SHISA9: variants seen among roughly 807,000 people sequenced by gnomAD.
SHISA9 encodes protein shisa-9.
A neutral mutation model predicts 38.0 loss-of-function variants in SHISA9; 13 were observed. The observed-to-expected ratio is 0.34, with a 90% confidence interval of 0.22 to 0.54. The LOEUF is 0.54. SHISA9 is among the 20% of genes least tolerant of loss of function. The pLI is 0.91. For missense variants in SHISA9, 538 were observed against 575.8 expected, an observed-to-expected ratio of 0.93 and a Z score of 0.67; for synonymous variants, 275 against 242.0, an observed-to-expected ratio of 1.14 and a Z score of -1.27.
At chr16:13,272,172 TA>T in the SHISA9 span, among the ~76,000 whole-genome samples, 6 of 152,026 alleles carry the variant, frequency 3.9e-5, no homozygotes, top group Non-Finnish European at 1.5e-5. Context: ...TATGGAAGCA[TA>T]CAATTGAAAT....
At chr16:13,463,717 G>A in the SHISA9 span, among the ~76,000 whole-genome samples, 1 of 152,176 alleles carries the variant, frequency 6.6e-6, no homozygotes, top group African/African-American at 2.4e-5. Context: ...GGTTGTGGCT[G>A]GGACAGGACT....
the SHISA9 span, among the ~76,000 whole-genome samples, chr16:13,376,577 G>C: frequency 6.6e-6 from 1 of 152,176 alleles, no homozygotes; most frequent in African/African-American, 2.4e-5. Context: ...TCAGGACCAT[G>C]GCTATGAGCA....
chr16:13,187,336 T>TCTTTTTTC (rs1194713899), intron 2 of SHISA9, among the ~76,000 whole-genome samples: 24,746 of 115,970 alleles, frequency 0.21, 2,475 homozygotes, highest in East Asian at 0.34. Flanking sequence ...TTCTTTTTTT[T>TCTTTTTTC]TTTTTTTTTT....
intron 2 of SHISA9, among the ~76,000 whole-genome samples, chr16:13,125,949 G>C (rs2050252775): frequency 6.6e-6 from 1 of 152,210 alleles, no homozygotes; most frequent in Admixed American, 6.5e-5. Context: ...ACCAGGGTCA[G>C]AGTACAGAAG....
At chr16:13,316,224 G>A in the SHISA9 span, among the ~76,000 whole-genome samples, 1 of 152,076 alleles carries the variant, frequency 6.6e-6, no homozygotes, top group Non-Finnish European at 1.5e-5. Flanking sequence ...GCTTTGTGTT[G>A]GAAATTGTGG....
chr16:13,101,914 C>T (rs2073882658), intron 2 of SHISA9, among the ~76,000 whole-genome samples: 1 of 152,156 alleles, frequency 6.6e-6, no homozygotes, highest in Non-Finnish European at 1.5e-5. Context: ...CACTAAATTC[C>T]AGATGTGAGC....
At chr16:12,969,438 C>G (rs2072025985) in intron 2 of SHISA9, among the ~76,000 whole-genome samples, 1 of 151,454 alleles carries the variant, frequency 6.6e-6, no homozygotes, top group African/African-American at 2.4e-5. Context: ...AAAGTGTACA[C>G]TCTTCTGTAA....
chr16:13,462,408 G>T, the SHISA9 span, among the ~76,000 whole-genome samples: 1 of 152,184 alleles, frequency 6.6e-6, no homozygotes, highest in Non-Finnish European at 1.5e-5. Flanking sequence ...GAGGCCTGAA[G>T]AAAACAGGTG....
At chr16:13,554,695 T>C in the SHISA9 span, among the ~76,000 whole-genome samples, 2 of 152,188 alleles carry the variant, frequency 1.3e-5, no homozygotes, top group East Asian at 1.9e-4. Context: ...TTTCACCATG[T>C]TGGTCAGGCT....
chr16:12,952,534 T>C (rs2071771611), intron 2 of SHISA9, among the ~76,000 whole-genome samples: 1 of 152,196 alleles, frequency 6.6e-6, no homozygotes, highest in Non-Finnish European at 1.5e-5. Context: ...CCAAATCTCA[T>C]GTTGAATTGT....
rs112719935 is a variant in SHISA9 at position 13,158,610 on chromosome 16, C to A, written c.692-44784C>A. 3.0e-3 allele frequency among the ~76,000 whole-genome samples: 462 copies of A among 152,256 alleles called. 5 individuals are homozygous for A. The highest frequency in any genetic ancestry group is 0.011 in the African/African-American group (445 of 41,542). On this transcript the variant is annotated intron_variant, in intron 2 of 4. Coordinates refer to ENST00000558583, the MANE Select transcript of SHISA9 (RefSeq NM_001145204.3). The stretch of plus-strand genomic sequence containing the variant: ...TCAAAGACACATCTGATTGGCCAAG[C>A]CTAGGTCACATGCTCTTGCCTGTGC...
the SHISA9 span, among the ~76,000 whole-genome samples, chr16:13,513,199 A>G: frequency 6.6e-6 from 1 of 152,254 alleles, no homozygotes; most frequent in East Asian, 1.9e-4. Context: ...TGGGCAAAGG[A>G]TATGAAAAGA....
chr16:13,133,810 C>T (rs1596671340), intron 2 of SHISA9, among the ~76,000 whole-genome samples: 1 of 152,172 alleles, frequency 6.6e-6, no homozygotes, highest in East Asian at 1.9e-4. Context: ...TTCATTCATT[C>T]ATTTAGCAAC....
At chr16:13,364,800 A>G in the SHISA9 span, among the ~76,000 whole-genome samples, 1 of 152,204 alleles carries the variant, frequency 6.6e-6, no homozygotes, top group African/African-American at 2.4e-5. Flanking sequence ...GTGTTCAGCT[A>G]ATTTCCTTGA....
intron 2 of SHISA9, among the ~76,000 whole-genome samples, chr16:13,031,655 C>G (rs996896466): frequency 1.3e-5 from 2 of 152,180 alleles, no homozygotes; most frequent in Non-Finnish European, 2.9e-5. Flanking sequence ...GTCTGCCTCT[C>G]TGAGCCTCAA....
intron 2 of SHISA9, among the ~76,000 whole-genome samples, chr16:13,121,159 C>T (rs1208933268): frequency 6.6e-6 from 1 of 151,700 alleles, no homozygotes; most frequent in East Asian, 1.9e-4. Context: ...GACCCCCTGT[C>T]TCAAAAAAAT....
At chr16:13,139,211 C>CCCTTCCCTCACTCCCTT (rs2050376158) in intron 2 of SHISA9, among the ~76,000 whole-genome samples, 1 of 151,640 alleles carries the variant, frequency 6.6e-6, no homozygotes, top group South Asian at 2.1e-4. Flanking sequence ...CTCCCTCCCT[C>CCCTTCCCTCACTCCCTT]CCTTCCCTCA....
chr16:13,036,045 A>C (rs2073057054), intron 2 of SHISA9, among the ~76,000 whole-genome samples: 1 of 152,248 alleles, frequency 6.6e-6, no homozygotes, highest in South Asian at 2.1e-4. Flanking sequence ...CACACACTGA[A>C]GGTGTAAAAT....
At chr16:13,221,735 C>G (rs1017527984) in intron 4 of SHISA9, among the ~76,000 whole-genome samples, 9 of 152,122 alleles carry the variant, frequency 5.9e-5, no homozygotes, top group African/African-American at 2.2e-4. Context: ...AATATTAGAA[C>G]ATTTTCCTCA....
Sources: allele counts gnomAD v4.1 joint callset (sites outside exome capture counted in the v4.1 genomes callset), GRCh38; gene constraint gnomAD v4.1.1; transcripts MANE v1.5; gene names NCBI Gene and HGNC (gene_info 2026-07-23, HGNC 2026-07-21).